TMTC1: variants seen among roughly 807,000 people sequenced by gnomAD.
TMTC1 encodes transmembrane O-mannosyltransferase targeting cadherins 1.
A neutral mutation model predicts 104.8 loss-of-function variants in TMTC1; 73 were observed. That is an observed-to-expected ratio of 0.70 (90% CI 0.58 to 0.85). The LOEUF is 0.85. TMTC1 is among the 40% of genes least tolerant of loss of function. TMTC1 has a pLI of 0.00. For missense variants in TMTC1, 1,035 were observed against 1,096.1 expected (o/e 0.94, Z 0.79); for synonymous variants, 434 against 428.7 (o/e 1.01, Z -0.15).
At chr12:29,739,756 T>G (rs1308896335) in intron 5 of TMTC1, among the ~76,000 whole-genome samples, 2 of 152,074 alleles carry the variant, frequency 1.3e-5, no homozygotes. Context: ...TTGCCCAGGC[T>G]GGAGTGCAGT....
intron 10 of TMTC1, among the ~76,000 whole-genome samples, chr12:29,555,133 CCT>C (rs1945204702): frequency 2.4e-5 from 1 of 40,932 alleles, no homozygotes; most frequent in Admixed American, 4.1e-4. Flanking sequence ...GTTCCAACAT[CCT>C]TTTTTTTTTT....
At chr12:29,677,030 G>GA (rs1321831479) in intron 5 of TMTC1, among the ~76,000 whole-genome samples, 1 of 152,232 alleles carries the variant, frequency 6.6e-6, no homozygotes, top group Admixed American at 6.5e-5. Context: ...CTGTGGAAAT[G>GA]AAAGTACTGA....
chr12:29,690,318 G>A (rs1036664081), intron 5 of TMTC1, among the ~76,000 whole-genome samples: 3 of 152,104 alleles, frequency 2.0e-5, no homozygotes, highest in East Asian at 1.9e-4. Flanking sequence ...TGTGCTATTC[G>A]CATCTGAAAA....
At chr12:29,556,713 C>A (rs1305016689) in intron 10 of TMTC1, 144 bp downstream of exon 10, 5 of 854,598 alleles carry the variant, frequency 5.9e-6, no homozygotes, top group African/African-American at 3.5e-5. Flanking sequence ...AATTGAGATG[C>A]ATGTTACACC....
intron 17 of TMTC1, among the ~76,000 whole-genome samples, chr12:29,509,999 G>GAT (rs1468619048): frequency 3.9e-5 from 6 of 152,182 alleles, no homozygotes; most frequent in African/African-American, 1.4e-4. Context: ...TTTAGCTGCA[G>GAT]ATATACTCCA....
chr12:29,540,125 A>G (rs1944756216), intron 10 of TMTC1, among the ~76,000 whole-genome samples: 1 of 152,116 alleles, frequency 6.6e-6, no homozygotes, highest in Non-Finnish European at 1.5e-5. Flanking sequence ...TCTGACATCT[A>G]TATTTTTCTT....
intron 5 of TMTC1, among the ~76,000 whole-genome samples, chr12:29,637,889 C>A (rs915850114): frequency 6.6e-6 from 1 of 152,176 alleles, no homozygotes; most frequent in Non-Finnish European, 1.5e-5. Flanking sequence ...TAGGATCTTT[C>A]TTTTACTTTT....
chr12:29,671,571 C>T (rs916819336), intron 5 of TMTC1, among the ~76,000 whole-genome samples: 17 of 152,144 alleles, frequency 1.1e-4, no homozygotes, highest in Non-Finnish European at 1.9e-4. Context: ...CATACAACAA[C>T]GACAACTACA....
At chr12:29,701,624 G>A (rs1268674114) in intron 5 of TMTC1, among the ~76,000 whole-genome samples, 1 of 152,004 alleles carries the variant, frequency 6.6e-6, no homozygotes, top group African/African-American at 2.4e-5. Context: ...TCTCTTTTAT[G>A]TCTAATCCCA....
intron 5 of TMTC1, among the ~76,000 whole-genome samples, chr12:29,704,912 A>G (rs1004441124): frequency 6.6e-6 from 1 of 152,228 alleles, no homozygotes; most frequent in Non-Finnish European, 1.5e-5. Flanking sequence ...ATCTAACGAA[A>G]AGAACCAGAA....
intron 5 of TMTC1, among the ~76,000 whole-genome samples, chr12:29,720,962 C>A (rs1463728456): frequency 2.0e-5 from 3 of 151,874 alleles, no homozygotes; most frequent in Admixed American, 2.0e-4. Context: ...CCTACTGAAG[C>A]CAAGAATGGA....
intron 11 of TMTC1, among the ~76,000 whole-genome samples, chr12:29,531,388 GT>G (rs1338144090): frequency 1.3e-5 from 2 of 152,038 alleles, no homozygotes; most frequent in Non-Finnish European, 2.9e-5. Context: ...CTTGCATTGG[GT>G]AAAGTCATAT....
At chr12:29,724,825 G>C (rs912654760) in intron 5 of TMTC1, among the ~76,000 whole-genome samples, 9 of 151,960 alleles carry the variant, frequency 5.9e-5, no homozygotes, top group East Asian at 1.9e-4. Flanking sequence ...AATACACAAG[G>C]ATCTTTTAAA....
intron 11 of TMTC1, chr12:29,533,671 C>G (rs1944566719): frequency 6.6e-6 from 1 of 152,116 alleles, no homozygotes; most frequent in African/African-American, 2.4e-5. Context: ...CTGATCTTCA[C>G]AACATTTTTT....
intron 9 of TMTC1, among the ~76,000 whole-genome samples, chr12:29,566,949 G>C (rs2136286908): frequency 6.6e-6 from 1 of 152,334 alleles, no homozygotes; most frequent in African/African-American, 2.4e-5. Context: ...GCTGCTGGCA[G>C]CTCAGAGTCC....
At chr12:29,746,423 A>C (rs1942957541) in intron 5 of TMTC1, among the ~76,000 whole-genome samples, 1 of 152,182 alleles carries the variant, frequency 6.6e-6, no homozygotes, top group South Asian at 2.1e-4. Context: ...CTAGCTCACT[A>C]GGTTTCTCTC....
At chr12:29,746,108 A>G (rs1339479914) in intron 5 of TMTC1, among the ~76,000 whole-genome samples, 1 of 152,206 alleles carries the variant, frequency 6.6e-6, no homozygotes, top group East Asian at 1.9e-4. Flanking sequence ...AACGTGCATC[A>G]CTGAGGTTTA....
At chr12:29,547,775 G>A (rs935617083) in intron 10 of TMTC1, among the ~76,000 whole-genome samples, 1 of 152,224 alleles carries the variant, frequency 6.6e-6, no homozygotes, top group Admixed American at 6.5e-5. Context: ...TGGACTCTAT[G>A]TGTGTACGCA....
At position 29,604,312 on chromosome 12, in the gene TMTC1, A is replaced by G. The variant is rs1946641352; in HGVS notation, c.1129-13T>C. On this transcript the variant is annotated splice_polypyrimidine_tract_variant and intron_variant, in intron 6 of 17. Coordinates refer to ENST00000539277, the MANE Select transcript of TMTC1 (RefSeq NM_001193451.2). ...TGTGCTCCAGTCTCTGAAACACACA[A>G]TAGTGAAGGAAACATTAACTTCTGT... 1 of 1,613,728 alleles carries G rather than the reference A, an allele frequency of 6.2e-7. No homozygotes were observed. Among genetic ancestry groups the G allele is most frequent in the East Asian group, 2.2e-5 (1 of 44,864 alleles).
Sources: allele counts gnomAD v4.1 joint callset (sites outside exome capture counted in the v4.1 genomes callset), GRCh38; gene constraint gnomAD v4.1.1; transcripts MANE v1.5; gene names NCBI Gene and HGNC (gene_info 2026-07-23, HGNC 2026-07-21).